Variants in NUCB2 observed in about 807,000 individuals in gnomAD.
NUCB2 encodes nucleobindin 2, also known as nucleobindin-2.
A neutral mutation model predicts 57.9 loss-of-function variants in NUCB2; 48 were observed. The ratio of observed to expected loss-of-function variants is 0.83; its 90% CI spans 0.66 to 1.05. The LOEUF is 1.05. Ranked by LOEUF, NUCB2 falls within the 50% of genes least tolerant of loss-of-function variation. NUCB2 has a pLI of 0.00. For missense variants in NUCB2, 442 were observed against 476.2 expected (o/e 0.93, Z 0.67); for synonymous variants, 139 against 152.1 (o/e 0.91, Z 0.64).
intron 6 of NUCB2, 134 bp from the exon 7 acceptor site, chr11:17,310,690 TA>T (rs1344959545): frequency 3.6e-6 from 2 of 560,764 alleles, no homozygotes; most frequent in African/African-American, 4.0e-5. Flanking sequence ...TGGTAGAATT[TA>T]AAAAGAGGAG....
chr11:17,288,552 C>CTTCTTTTTTTTTTTTTTT (rs1375589442), intron 2 of NUCB2, among the ~76,000 whole-genome samples: 1 of 101,190 alleles, frequency 9.9e-6, no homozygotes, highest in Non-Finnish European at 1.8e-5. Context: ...TCTTCTTCTT[C>CTTCTTTTTTTTTTTTTTT]TTTTTTTTTT....
At chr11:17,322,749 T>C (rs1429108158) in intron 11 of NUCB2, among the ~76,000 whole-genome samples, 2 of 144,132 alleles carry the variant, frequency 1.4e-5, no homozygotes, top group Non-Finnish European at 3.1e-5. Context: ...TGATGTCCTC[T>C]TCAATTTCTT....
intron 4 of NUCB2, among the ~76,000 whole-genome samples, chr11:17,297,978 A>G (rs1476357054): frequency 6.8e-6 from 1 of 148,102 alleles, no homozygotes; most frequent in East Asian, 2.1e-4. Context: ...GCCACTCGGG[A>G]GGCTGAGGCA....
At chr11:17,291,832 T>C (rs962510753) in intron 2 of NUCB2, among the ~76,000 whole-genome samples, 1 of 152,184 alleles carries the variant, frequency 6.6e-6, no homozygotes, top group East Asian at 1.9e-4. Flanking sequence ...TTATTGTGTC[T>C]AGATATGAAC....
intron 4 of NUCB2, among the ~76,000 whole-genome samples, chr11:17,298,861 GCTA>G: frequency 6.6e-6 from 1 of 152,068 alleles, no homozygotes; most frequent in East Asian, 1.9e-4. Context: ...ACCTTGTCTG[GCTA>G]ATTTTTGTAT....
chr11:17,327,252 G>A (rs1373693374), intron 11 of NUCB2, among the ~76,000 whole-genome samples: 1 of 152,092 alleles, frequency 6.6e-6, no homozygotes. Context: ...GGTGAGATGA[G>A]GTTTTTCCAC....
chr11:17,306,311 T>A (rs1947631733), intron 5 of NUCB2, among the ~76,000 whole-genome samples: 1 of 152,216 alleles, frequency 6.6e-6, no homozygotes, highest in African/African-American at 2.4e-5. Context: ...AGAAATCTTG[T>A]TAGAAATGTA....
chr11:17,343,224 G>A (rs1952437274), intron 2 of NUCB2, among the ~76,000 whole-genome samples: 1 of 151,948 alleles, frequency 6.6e-6, no homozygotes, highest in African/African-American at 2.4e-5. Context: ...CATGAGATGG[G>A]TTTCCTGAAT....
Position 17,330,378 on chromosome 11 carries a change from A to T in NUCB2, c.1173+81A>T. 3.0e-6 allele frequency: 3 copies of T among 1,010,614 alleles called. No homozygotes were observed. The highest frequency in any genetic ancestry group is 4.4e-6 in the Non-Finnish European group (3 of 679,612). The allele number at this position is 1,010,614 out of a possible 1,614,324, so 62.6% of individuals were successfully genotyped here. On this transcript the variant is annotated intron_variant, in intron 12 of 13. Transcript: ENST00000529010. The surrounding 1 kb of genome is among the most constrained non-coding windows in gnomAD (Gnocchi z 4.3). ...AGCCTGTGTTTTTGTAACATATTTC[A>T]TTGTACTATATAGTACACTGCTATA...
chr11:17,287,988 ACT>A (rs1319915166), intron 2 of NUCB2, among the ~76,000 whole-genome samples: 1 of 152,094 alleles, frequency 6.6e-6, no homozygotes, highest in Non-Finnish European at 1.5e-5. Flanking sequence ...GTAGAGTGAG[ACT>A]CTGTCTCAAA....
Position 17,330,121 on chromosome 11 carries a change from T to G in NUCB2, c.1003-6T>G, listed in dbSNP as rs1442942516. The G allele has an allele frequency of 1.4e-6, 2 of 1,415,964 alleles. No individual in the cohort carries two copies. The highest frequency in any genetic ancestry group is 3.9e-4 in the Middle Eastern group (2 of 5,188). The allele number at this position is 1,415,964 out of a possible 1,614,324, so 87.7% of individuals were successfully genotyped here. On this transcript the variant is annotated splice_region_variant and splice_polypyrimidine_tract_variant and intron_variant, in intron 11 of 13. Transcript: ENST00000529010. The surrounding 1 kb of genome is among the most constrained non-coding windows in gnomAD (Gnocchi z 4.3). ...GATTATTCTTTCCTCATTTTTTTTC[T>G]TTTAGACATTAGATCAGCAACAGTT...
At chr11:17,348,465 A>T (rs935311471) in intron 2 of NUCB2, among the ~76,000 whole-genome samples, 1 of 150,888 alleles carries the variant, frequency 6.6e-6, no homozygotes, top group South Asian at 2.1e-4. Context: ...CAGCCTCTCA[A>T]ATAGCTGGGA....
At chr11:17,337,025 C>T (rs1030348807), downstream of NUCB2, among the ~76,000 whole-genome samples, 1 of 151,800 alleles carries the variant, frequency 6.6e-6, no homozygotes, top group Non-Finnish European at 1.5e-5. Context: ...ACTATAGTCT[C>T]GAACTTCTGG....
At position 17,287,287 on chromosome 11, in the gene NUCB2, T is replaced by G. The variant is rs183550420; in HGVS notation, c.-1+4344T>G. On this transcript the variant is annotated intron_variant, in intron 2 of 13. Transcript: ENST00000529010. The stretch of plus-strand genomic sequence containing the variant: ...ATCAAATTTGCAGTGAGCTGTGAGC[T>G]CACCACTGCACTTCAGCCTGGGTGG... Among the ~76,000 whole-genome samples, 519 of 152,140 alleles carry G rather than the reference T, an allele frequency of 3.4e-3. 1 individual carries two copies. Among genetic ancestry groups the G allele is most frequent in the Non-Finnish European group, 5.7e-3 (386 of 68,006 alleles).
chr11:17,280,129 C>A (rs1734940602), intron 1 of NUCB2, among the ~76,000 whole-genome samples: 1 of 151,892 alleles, frequency 6.6e-6, no homozygotes, highest in South Asian at 2.1e-4. Context: ...TTTTAATTAT[C>A]TGAAGTACAG....
Position 17,281,102 on chromosome 11 carries a change from C to T in NUCB2, c.-155-1687C>T, listed in dbSNP as rs562164120. ...TTGTATGTCAAACTGGTCTTGCTTG[C>T]TTTTTGTGTCGTTAATTTTTATTTA... On this transcript the variant is annotated intron_variant, in intron 1 of 13. Transcript: ENST00000529010. Among the ~76,000 whole-genome samples the T allele has an allele frequency of 6.6e-5, 10 of 152,066 alleles. No individual in the cohort carries two copies. In the South Asian group the frequency reaches 2.1e-3, roughly 32 times the overall value.
intron 2 of NUCB2, among the ~76,000 whole-genome samples, chr11:17,290,494 A>C (rs552316907): frequency 6.6e-6 from 1 of 152,244 alleles, no homozygotes; most frequent in South Asian, 2.1e-4. Context: ...GGATTGCTTG[A>C]GCCCAAGAGT....
chr11:17,340,431 A>G (rs1451560019), intron 2 of NUCB2, among the ~76,000 whole-genome samples: 14 of 152,336 alleles, frequency 9.2e-5, no homozygotes, highest in African/African-American at 2.2e-4. Context: ...GCCCATGCCT[A>G]TGTCCTGAAT....
chr11:17,290,586 T>C (rs916856466), intron 2 of NUCB2, among the ~76,000 whole-genome samples: 3 of 152,020 alleles, frequency 2.0e-5, no homozygotes, highest in African/African-American at 7.2e-5. Context: ...GATATAAAGG[T>C]CAGTCATGAG....
Sources: gnomAD v4.1 joint callset for allele counts (sites outside exome capture counted in the v4.1 genomes callset) on GRCh38, gnomAD v4.1.1 for gene constraint, Gnocchi (gnomAD v3.1) non-coding constraint, MANE v1.5 for transcripts, NCBI Gene and HGNC (gene_info 2026-07-23, HGNC 2026-07-21) for gene names.